Variants in CDIN1 observed in about 807,000 individuals in gnomAD.
The protein encoded by CDIN1 is CDAN1-interacting nuclease 1.
In CDIN1, 33 loss-of-function variants were observed where a neutral mutation model predicts 45.3. The observed-to-expected ratio is 0.73, with a 90% confidence interval of 0.55 to 0.97. The LOEUF (loss-of-function observed/expected upper bound fraction) is 0.97, where lower values mean the gene tolerates loss of function less well. CDIN1 is among the 50% of genes least tolerant of loss of function. The probability of loss-of-function intolerance (pLI) is 0.00; values close to 1 mark genes in which losing one functional copy is unlikely to be tolerated. For missense variants in CDIN1, 303 were observed against 339.4 expected (o/e 0.89, Z 0.84); for synonymous variants, 118 against 124.4 (o/e 0.95, Z 0.34).
At chr15:36,616,954 A>G in intron 1 of CDIN1, 1 of 459,914 alleles carries the variant, frequency 2.2e-6, no homozygotes, top group African/African-American at 2.0e-5. Flanking sequence ...TAATGCAAAT[A>G]AAATTGTAAA....
intron 1 of CDIN1, among the ~76,000 whole-genome samples, chr15:36,607,420 ATTAGT>A (rs1234436789): frequency 6.6e-6 from 1 of 152,216 alleles, no homozygotes; most frequent in Non-Finnish European, 1.5e-5. Flanking sequence ...TACCCAATTT[ATTAGT>A]TTAAAGAAAC....
intron 10 of CDIN1, among the ~76,000 whole-genome samples, chr15:36,792,076 C>A (rs2054659818): frequency 6.6e-6 from 1 of 152,166 alleles, no homozygotes; most frequent in Non-Finnish European, 1.5e-5. Flanking sequence ...AGGCAGTTTG[C>A]AGCCAGGAAC....
At chr15:36,657,930 G>A in intron 5 of CDIN1, 25 bp downstream of exon 5, 2 of 1,576,872 alleles carry the variant, frequency 1.3e-6, no homozygotes, top group Non-Finnish European at 1.7e-6. Flanking sequence ...TTTCCTAATG[G>A]TACTCTTTTA....
intron 10 of CDIN1, among the ~76,000 whole-genome samples, chr15:36,757,374 T>G (rs1290809602): frequency 1.3e-5 from 2 of 152,190 alleles, no homozygotes; most frequent in Admixed American, 1.3e-4. Flanking sequence ...TAGTGAGTTG[T>G]AGCCACTTGG....
At position 36,785,318 on chromosome 15, in the gene CDIN1, T is replaced by C. The variant is rs577277486; in HGVS notation, c.717-23006T>C. Among the ~76,000 whole-genome samples the C allele has an allele frequency of 1.2e-4, 18 of 152,324 alleles. 1 individual carries two copies. The South Asian group carries it at 3.5e-3, about 30-fold the overall frequency. On this transcript the variant is annotated intron_variant, in intron 10 of 10. Coordinates refer to ENST00000566621, the MANE Select transcript of CDIN1 (RefSeq NM_001321759.2). ...AAGTGATGATACCATATTTCAATAG[T>C]CTGTCTGATGCTCTTCTAGGCTCTG...
At chr15:36,793,728 A>G (rs2054709121) in intron 10 of CDIN1, among the ~76,000 whole-genome samples, 1 of 152,146 alleles carries the variant, frequency 6.6e-6, no homozygotes, top group Admixed American at 6.5e-5. Context: ...TTGTCTGATA[A>G]AAAGCGGCTT....
At chr15:36,793,697 C>T (rs2054707952) in intron 10 of CDIN1, among the ~76,000 whole-genome samples, 1 of 152,094 alleles carries the variant, frequency 6.6e-6, no homozygotes, top group Non-Finnish European at 1.5e-5. Context: ...GTTTCCTTAA[C>T]TTGGTATTTA....
At chr15:36,688,454 T>A in intron 5 of CDIN1, among the ~76,000 whole-genome samples, 1 of 152,156 alleles carries the variant, frequency 6.6e-6, no homozygotes. Context: ...GTACCAAGTC[T>A]CTCCTATTCT....
chr15:36,655,312 CTTT>C (rs755017089), intron 4 of CDIN1, among the ~76,000 whole-genome samples: 1 of 125,180 alleles, frequency 8.0e-6, no homozygotes, highest in Non-Finnish European at 1.6e-5. Flanking sequence ...GAGCAGAGTG[CTTT>C]TTTTTTTTTG....
chr15:36,602,901 C>T (rs931577447), intron 1 of CDIN1, among the ~76,000 whole-genome samples: 2 of 151,808 alleles, frequency 1.3e-5, no homozygotes, highest in Non-Finnish European at 2.9e-5. Flanking sequence ...GGCAGGAGAA[C>T]GGCGTGAATG....
At chr15:36,588,428 C>CG (rs1426958229) in intron 1 of CDIN1, among the ~76,000 whole-genome samples, 8 of 151,976 alleles carry the variant, frequency 5.3e-5, no homozygotes, top group Middle Eastern at 3.2e-3. Flanking sequence ...TTGTGGTGGA[C>CG]CTGAGTTCCA....
At chr15:36,773,230 T>C (rs974705154) in intron 10 of CDIN1, among the ~76,000 whole-genome samples, 2 of 152,164 alleles carry the variant, frequency 1.3e-5, no homozygotes, top group Non-Finnish European at 2.9e-5. Flanking sequence ...CTCTGAGGGA[T>C]TTTCAGGATC....
At chr15:36,595,966 A>G (rs575416081) in intron 1 of CDIN1, among the ~76,000 whole-genome samples, 280 of 152,244 alleles carry the variant, frequency 1.8e-3, no homozygotes, top group Non-Finnish European at 1.9e-3. Context: ...TGCATTTTTA[A>G]TATCTGCTTC....
At chr15:36,658,054 A>T in intron 5 of CDIN1, 149 bp downstream of exon 5, 2 of 624,804 alleles carry the variant, frequency 3.2e-6, no homozygotes, top group Non-Finnish European at 5.5e-6. Flanking sequence ...AATATAAAAG[A>T]CCACCCACAA....
intron 10 of CDIN1, among the ~76,000 whole-genome samples, chr15:36,791,339 G>A (rs1379937757): frequency 6.6e-6 from 1 of 152,088 alleles, no homozygotes; most frequent in Non-Finnish European, 1.5e-5. Context: ...TAATGAAGTC[G>A]ACAAGACACT....
intron 10 of CDIN1, among the ~76,000 whole-genome samples, chr15:36,789,868 C>G (rs1383412387): frequency 6.6e-6 from 1 of 152,108 alleles, no homozygotes; most frequent in Non-Finnish European, 1.5e-5. Context: ...CAAAGTCAGT[C>G]CTAGAAACCA....
intron 10 of CDIN1, among the ~76,000 whole-genome samples, chr15:36,721,690 A>G (rs2043422716): frequency 6.6e-6 from 1 of 152,006 alleles, no homozygotes; most frequent in African/African-American, 2.4e-5. Context: ...GTGTCATTCA[A>G]GTTTTCTGTG....
chr15:36,715,077 A>G (rs912609591), intron 10 of CDIN1, among the ~76,000 whole-genome samples: 51 of 152,214 alleles, frequency 3.4e-4, no homozygotes, highest in African/African-American at 1.1e-3. Flanking sequence ...AAGCAAGTGC[A>G]TAGATCTTTG....
rs754023460 is a variant in CDIN1, at chr15:36,808,427, G to GTCACCT, written c.822_827dup (p.Thr275_Leu276insPheThr). 12 of 1,613,508 alleles carry GTCACCT rather than the reference G, an allele frequency of 7.4e-6. No homozygotes were observed. The African/African-American group carries it at 1.3e-4, about 18-fold the overall frequency. ...CAAAGCCTGTTTCCCCACGAACATT[G>GTCACCT]TCACCTTATGCCACAGCATAGCTTG... On this transcript the variant is annotated inframe_insertion, in exon 11 of 11. Transcript: ENST00000566621.
Sources: allele counts gnomAD v4.1 joint callset (sites outside exome capture counted in the v4.1 genomes callset), GRCh38; gene constraint gnomAD v4.1.1; transcripts MANE v1.5; gene names NCBI Gene and HGNC (gene_info 2026-07-23, HGNC 2026-07-21).